Variants in SEMA3E observed in about 807,000 individuals in gnomAD.
SEMA3E encodes semaphorin 3E.
Under a neutral mutation model 93.6 loss-of-function variants are expected in SEMA3E, and 49 were observed. The observed-to-expected ratio is 0.52, with a 90% CI of 0.42 to 0.66. The LOEUF is 0.66. Among genes scored for constraint, SEMA3E ranks in the 30% least tolerant of loss-of-function variants. SEMA3E has a pLI of 0.00. For synonymous variants in SEMA3E, 363 were observed against 330.7 expected (o/e 1.10, Z -1.06); for missense variants, 906 against 964.8 (o/e 0.94, Z 0.81).
intron 1 of SEMA3E, among the ~76,000 whole-genome samples, chr7:83,531,763 C>T (rs955673905): frequency 8.6e-5 from 13 of 151,976 alleles, no homozygotes; most frequent in Admixed American, 2.6e-4. Flanking sequence ...AGATACTGAG[C>T]GTAAAAATGA....
At chr7:83,435,215 T>C (rs1161436548) in intron 4 of SEMA3E, among the ~76,000 whole-genome samples, 2 of 152,226 alleles carry the variant, frequency 1.3e-5, no homozygotes, top group East Asian at 1.9e-4. Context: ...TGCACAATAA[T>C]ATCCTAATTG....
chr7:83,475,185 C>G (rs1159153705), intron 2 of SEMA3E, among the ~76,000 whole-genome samples: 2 of 151,854 alleles, frequency 1.3e-5, no homozygotes, highest in Non-Finnish European at 2.9e-5. Context: ...AGCATCCCTT[C>G]TTACTCATTT....
chr7:83,617,040 C>T (rs1431484380), intron 1 of SEMA3E, among the ~76,000 whole-genome samples: 1 of 151,968 alleles, frequency 6.6e-6, no homozygotes, highest in African/African-American at 2.4e-5. Flanking sequence ...AATTTATGCT[C>T]TTTATTTTCT....
chr7:83,441,414 A>T (rs557697303), intron 4 of SEMA3E, among the ~76,000 whole-genome samples: 1 of 152,338 alleles, frequency 6.6e-6, no homozygotes, highest in East Asian at 1.9e-4. Flanking sequence ...ATCAAAATGT[A>T]TGTTAGCACT....
intron 16 of SEMA3E, among the ~76,000 whole-genome samples, chr7:83,383,230 TTTC>T (rs1787812905): frequency 1.8e-5 from 1 of 56,518 alleles, no homozygotes; most frequent in Non-Finnish European, 5.3e-5. Flanking sequence ...AAGAAAGTGA[TTTC>T]TTATCAAAAT....
chr7:83,407,192 C>A lies in SEMA3E; in HGVS notation c.718G>T (p.Asp240Tyr), dbSNP rs777910966. The A allele has an allele frequency of 1.1e-5, 18 of 1,613,280 alleles. No homozygotes were observed. In the South Asian group the frequency reaches 2.0e-4, roughly 18 times the overall value. ...SYMIPDNEDR[D>Y]DNKVYFFFTE... Reference sequence around the variant, plus strand: ...AAAAAGAAATATACTTTGTTGTCATCTCTGTCTTCATTGTCAGGAATCATG... The same window carrying A: ...AAAAAGAAATATACTTTGTTGTCATATCTGTCTTCATTGTCAGGAATCATG... The change falls in exon 7 of 17, where the codon GAT becomes TAT. Residue 240 changes from aspartate to tyrosine, a missense_variant. Physicochemically the swap from Asp to Tyr is radical, Grantham distance 160 (BLOSUM62 -3). Transcript: ENST00000643230.
intron 4 of SEMA3E, among the ~76,000 whole-genome samples, chr7:83,425,335 C>T (rs937918678): frequency 6.6e-6 from 1 of 152,040 alleles, no homozygotes; most frequent in African/African-American, 2.4e-5. Context: ...CCCAAATATA[C>T]TTTTCTCTCC....
intron 1 of SEMA3E, among the ~76,000 whole-genome samples, chr7:83,532,952 A>G (rs1402903650): frequency 2.6e-5 from 4 of 152,128 alleles, no homozygotes; most frequent in Admixed American, 6.6e-5. Flanking sequence ...TTTAATAAAG[A>G]TGAAGACTAA....
intron 16 of SEMA3E, among the ~76,000 whole-genome samples, chr7:83,377,546 C>T (rs1287179105): frequency 6.6e-6 from 1 of 151,874 alleles, no homozygotes; most frequent in Admixed American, 6.6e-5. Context: ...CCAGATTTGG[C>T]CCCCAAGTCT....
At chr7:83,490,550 C>G (rs1790362061) in intron 1 of SEMA3E, among the ~76,000 whole-genome samples, 1 of 151,894 alleles carries the variant, frequency 6.6e-6, no homozygotes, top group African/African-American at 2.4e-5. Flanking sequence ...ACATAAAGTG[C>G]TAGGTGAAAG....
At chr7:83,511,050 G>A (rs1272872772) in intron 1 of SEMA3E, among the ~76,000 whole-genome samples, 5 of 152,066 alleles carry the variant, frequency 3.3e-5, no homozygotes, top group African/African-American at 1.2e-4. Flanking sequence ...AAATAAGTCT[G>A]TGTTGAAATC....
intron 1 of SEMA3E, among the ~76,000 whole-genome samples, chr7:83,606,903 A>G (rs986707810): frequency 6.6e-6 from 1 of 152,214 alleles, no homozygotes; most frequent in Non-Finnish European, 1.5e-5. Flanking sequence ...TCCAAAAAAT[A>G]TCTGATGTTA....
At chr7:83,450,519 A>G (rs1468563670) in intron 4 of SEMA3E, among the ~76,000 whole-genome samples, 1 of 152,202 alleles carries the variant, frequency 6.6e-6, no homozygotes, top group Non-Finnish European at 1.5e-5. Context: ...CACTTGATGT[A>G]TGATTCCATT....
Position 83,481,920 on chromosome 7 carries a change from T to G in SEMA3E, c.276+8194A>C, listed in dbSNP as rs541265116. ...TAGTACCACATATAGGACTGGTATT[T>G]CCAAGACCAGCAAGGATAGTTAATA... On this transcript the variant is annotated intron_variant, in intron 2 of 16. Transcript: ENST00000643230. Among the ~76,000 whole-genome samples, 4 of 152,304 alleles carry G rather than the reference T, an allele frequency of 2.6e-5. No individual in the cohort carries two copies. The South Asian group carries it at 8.3e-4, about 32-fold the overall frequency.
intron 1 of SEMA3E, among the ~76,000 whole-genome samples, chr7:83,562,347 G>C (rs1378837071): frequency 6.6e-6 from 1 of 151,990 alleles, no homozygotes; most frequent in African/African-American, 2.4e-5. Context: ...TAATGTAATT[G>C]AGAGTCAATA....
chr7:83,491,817 A>T (rs1338282882), intron 1 of SEMA3E, among the ~76,000 whole-genome samples: 1 of 152,022 alleles, frequency 6.6e-6, no homozygotes, highest in Non-Finnish European at 1.5e-5. Flanking sequence ...GAAGGAAAAG[A>T]AAATAGTATG....
chr7:83,639,043 G>A (rs1451602863), intron 1 of SEMA3E, among the ~76,000 whole-genome samples: 1 of 145,482 alleles, frequency 6.9e-6, no homozygotes, highest in African/African-American at 2.6e-5. Flanking sequence ...CCCGGGAGGC[G>A]GAGGTTGCAG....
intron 2 of SEMA3E, among the ~76,000 whole-genome samples, chr7:83,475,562 C>T (rs1456763100): frequency 1.3e-5 from 2 of 152,026 alleles, no homozygotes; most frequent in African/African-American, 2.4e-5. Context: ...CCACTGAGTG[C>T]GGTGTCTACC....
intron 1 of SEMA3E, among the ~76,000 whole-genome samples, chr7:83,559,024 T>C (rs542142520): frequency 6.6e-6 from 1 of 152,210 alleles, no homozygotes; most frequent in South Asian, 2.1e-4. Context: ...TGGCTGAAGA[T>C]TAAAAACCAT....
Sources: gnomAD v4.1 joint callset for allele counts (sites outside exome capture counted in the v4.1 genomes callset) on GRCh38, gnomAD v4.1.1 for gene constraint, MANE v1.5 for transcripts, NCBI Gene and HGNC (gene_info 2026-07-23, HGNC 2026-07-21) for gene names.